ULK4: variants seen among roughly 807,000 people sequenced by gnomAD.
ULK4 encodes the protein unc-51 like kinase 4.
ULK4 carries 133 observed loss-of-function variants against 160.6 expected under a neutral mutation model. That is an observed-to-expected ratio of 0.83 (90% CI 0.72 to 0.96). The LOEUF (loss-of-function observed/expected upper bound fraction) is 0.96. Among genes scored for constraint, ULK4 ranks in the 40% least tolerant of loss-of-function variants. The pLI, the probability that ULK4 is intolerant of heterozygous loss-of-function variation, is 0.00. For synonymous variants in ULK4, 534 were observed against 539.8 expected, an observed-to-expected ratio of 0.99 and a Z score of 0.15; for missense variants, 1,580 against 1,499.5, an observed-to-expected ratio of 1.05 and a Z score of -0.89.
At chr3:41,655,498 G>C (rs1318851166) in intron 30 of ULK4, among the ~76,000 whole-genome samples, 2 of 151,896 alleles carry the variant, frequency 1.3e-5, no homozygotes, top group African/African-American at 2.4e-5. Context: ...TGTACGTTGT[G>C]CACATGTACA....
intron 32 of ULK4, among the ~76,000 whole-genome samples, chr3:41,506,767 A>AAAAAAAAAAAAT: frequency 3.5e-5 from 2 of 56,766 alleles, no homozygotes; most frequent in Admixed American, 2.2e-4. Context: ...TGTGATTTAA[A>AAAAAAAAAAAAT]ATATATATAT....
At chr3:41,425,339 A>G (rs1291469284) in intron 34 of ULK4, among the ~76,000 whole-genome samples, 6 of 152,214 alleles carry the variant, frequency 3.9e-5, no homozygotes, top group Admixed American at 3.9e-4. Flanking sequence ...ACCTGAAAAG[A>G]TACGGGGAGA....
intron 34 of ULK4, among the ~76,000 whole-genome samples, chr3:41,439,552 A>T (rs562367099): frequency 1.3e-5 from 2 of 152,344 alleles, no homozygotes; most frequent in African/African-American, 4.8e-5. Flanking sequence ...TACAAAGTAT[A>T]CAACAATCAA....
chr3:41,458,320 T>G (rs1034019077), intron 33 of ULK4, among the ~76,000 whole-genome samples: 110 of 152,340 alleles, frequency 7.2e-4, no homozygotes, highest in African/African-American at 2.6e-3. Context: ...TGAATCATAT[T>G]CATCTTTACA....
chr3:41,925,308 A>ACTCC (rs1176008563), intron 5 of ULK4, among the ~76,000 whole-genome samples: 1 of 151,576 alleles, frequency 6.6e-6, no homozygotes, highest in Non-Finnish European at 1.5e-5. Context: ...GGGTCAGGGA[A>ACTCC]CTCCCTCTTC....
At chr3:41,550,532 C>T (rs1212238183) in intron 32 of ULK4, among the ~76,000 whole-genome samples, 4 of 151,624 alleles carry the variant, frequency 2.6e-5, no homozygotes, top group East Asian at 3.9e-4. Context: ...AGTCAAAACA[C>T]GAAAAAGAAA....
chr3:41,567,814 C>A (rs1368494964), intron 31 of ULK4, among the ~76,000 whole-genome samples: 1 of 152,012 alleles, frequency 6.6e-6, no homozygotes, highest in Admixed American at 6.6e-5. Context: ...CTTGGTATCT[C>A]TTAATTGATT....
chr3:41,605,855 C>T (rs1442030712), intron 31 of ULK4, among the ~76,000 whole-genome samples: 3 of 152,016 alleles, frequency 2.0e-5, no homozygotes, highest in Admixed American at 6.6e-5. Context: ...TATACTCAAC[C>T]ATAAAACAAG....
chr3:41,573,403 C>T (rs1302777159), intron 31 of ULK4, among the ~76,000 whole-genome samples: 1 of 152,126 alleles, frequency 6.6e-6, no homozygotes, highest in Non-Finnish European at 1.5e-5. Context: ...TGATATTTGA[C>T]AAGGTAAATG....
intron 12 of ULK4, among the ~76,000 whole-genome samples, chr3:41,905,892 T>C (rs1219106495): frequency 6.6e-6 from 1 of 151,846 alleles, no homozygotes; most frequent in Admixed American, 6.6e-5. Context: ...CTGGCCAACA[T>C]GGTGAAACCT....
intron 34 of ULK4, among the ~76,000 whole-genome samples, chr3:41,438,402 C>T (rs565414464): frequency 7.2e-5 from 11 of 152,230 alleles, no homozygotes; most frequent in African/African-American, 2.6e-4. Context: ...GACAACTATA[C>T]AAGCATGTGA....
intron 21 of ULK4, among the ~76,000 whole-genome samples, chr3:41,763,223 T>A (rs1445072856): frequency 1.3e-5 from 2 of 151,902 alleles, no homozygotes; most frequent in Admixed American, 6.6e-5. Flanking sequence ...ATACCCATAA[T>A]AAAAGAATAA....
chr3:41,767,312 CCAGAGA>C (rs1451191419), intron 21 of ULK4, among the ~76,000 whole-genome samples: 5 of 152,048 alleles, frequency 3.3e-5, no homozygotes, highest in African/African-American at 1.2e-4. Flanking sequence ...CTTACATGAT[CCAGAGA>C]CAGACACTGA....
chr3:41,961,556 CCCCCCCCCCCCCCCG>C (rs1365338811), intron 1 of ULK4, among the ~76,000 whole-genome samples: 1 of 8,034 alleles, frequency 1.2e-4, no homozygotes, highest in East Asian at 0.013. Context: ...ACTCACCCCC[CCCCCCCCCCCCCCCG>C]CTCCCCAGGC....
intron 17 of ULK4, among the ~76,000 whole-genome samples, chr3:41,867,914 C>T (rs1696953623): frequency 6.6e-6 from 1 of 151,804 alleles, no homozygotes; most frequent in South Asian, 2.1e-4. Context: ...AATTTCCTGA[C>T]ATTTGGGGGA....
chr3:41,546,973 G>A (rs927577176), intron 32 of ULK4, among the ~76,000 whole-genome samples: 18 of 152,006 alleles, frequency 1.2e-4, no homozygotes, highest in African/African-American at 3.9e-4. Flanking sequence ...CTATGAATAC[G>A]TTCAAAACAT....
At chr3:41,471,195 G>A (rs186644893) in intron 32 of ULK4, among the ~76,000 whole-genome samples, 1 of 152,140 alleles carries the variant, frequency 6.6e-6, no homozygotes, top group Admixed American at 6.5e-5. Context: ...AGGGCAGAGA[G>A]ACTTCTATTT....
At chr3:41,337,150 T>A (rs2080577473) in intron 35 of ULK4, among the ~76,000 whole-genome samples, 1 of 152,236 alleles carries the variant, frequency 6.6e-6, no homozygotes, top group African/African-American at 2.4e-5. Context: ...TCTTATGATT[T>A]AAGGTCCTAT....
chr3:41,835,901 G>A lies in ULK4; in HGVS notation c.1727C>T (p.Pro576Leu), dbSNP rs1327194313. The A allele has an allele frequency of 6.2e-7, 1 of 1,612,816 alleles. No individual in the cohort carries two copies. Among genetic ancestry groups the A allele is most frequent in the South Asian group, 1.1e-5 (1 of 90,970 alleles). ...AAGATAGATCAGCTCCCCAAGGGTTGGTAAAAGGCACTGTTTTAATTTGCT... is the reference window on the plus strand; with the variant it reads ...AAGATAGATCAGCTCCCCAAGGGTTAGTAAAAGGCACTGTTTTAATTTGCT... ...RNSKLKQCLLPTLGELIYLVA... is the reference protein window; with the variant it reads ...RNSKLKQCLLLTLGELIYLVA... The change falls in exon 18 of 37, where the codon CCA (proline) becomes CTA (leucine). Residue 576 changes from proline to leucine, a missense_variant. Pro to Leu is a moderately conservative substitution (Grantham distance 98). Transcript: ENST00000301831.
Sources: allele counts gnomAD v4.1 joint callset (sites outside exome capture counted in the v4.1 genomes callset), GRCh38; gene constraint gnomAD v4.1.1; transcripts MANE v1.5; gene names NCBI Gene and HGNC (gene_info 2026-07-23, HGNC 2026-07-21).